Variants in XKR6 observed in about 807,000 individuals in gnomAD.
The protein encoded by XKR6 is XK related 6.
A neutral mutation model predicts 56.7 loss-of-function variants in XKR6; 22 were observed. The observed-to-expected ratio is 0.39, with a 90% CI of 0.28 to 0.55. The LOEUF is 0.55. Ranked by LOEUF, XKR6 falls within the 20% of genes least tolerant of loss-of-function variation. The pLI is 0.66. For synonymous variants in XKR6, 524 were observed against 387.8 expected, an observed-to-expected ratio of 1.35 and a Z score of -4.13; for missense variants, 852 against 889.0, an observed-to-expected ratio of 0.96 and a Z score of 0.53.
intron 1 of XKR6, among the ~76,000 whole-genome samples, chr8:11,069,354 C>T (rs1450942322): frequency 6.6e-6 from 1 of 152,158 alleles, no homozygotes; most frequent in Non-Finnish European, 1.5e-5. Flanking sequence ...CCATCCCCCA[C>T]CAGAGGATGC....
intron 1 of XKR6, among the ~76,000 whole-genome samples, chr8:11,120,409 C>T (rs1799391375): frequency 1.3e-5 from 2 of 152,080 alleles, no homozygotes; most frequent in Admixed American, 6.5e-5. Context: ...AACAGAGAGC[C>T]AAATCATGAG....
At chr8:11,168,668 A>G (rs1802206567) in intron 1 of XKR6, among the ~76,000 whole-genome samples, 1 of 152,216 alleles carries the variant, frequency 6.6e-6, no homozygotes, top group African/African-American at 2.4e-5. Flanking sequence ...ATGAATTTAA[A>G]AAGACTGAAG....
At chr8:10,915,097 C>T (rs773527544) in intron 2 of XKR6, among the ~76,000 whole-genome samples, 1 of 151,496 alleles carries the variant, frequency 6.6e-6, no homozygotes, top group Non-Finnish European at 1.5e-5. Context: ...CTTCTCTCTT[C>T]CCAGCTTTCT....
chr8:11,079,228 A>G (rs1800351665), intron 1 of XKR6, among the ~76,000 whole-genome samples: 1 of 152,248 alleles, frequency 6.6e-6, no homozygotes, highest in Non-Finnish European at 1.5e-5. Flanking sequence ...CTTGTCTGCA[A>G]TGGCAAGAGG....
intron 1 of XKR6, among the ~76,000 whole-genome samples, chr8:11,007,864 C>T (rs1341032592): frequency 3.3e-5 from 5 of 151,746 alleles, no homozygotes; most frequent in South Asian, 2.1e-4. Context: ...AGGTAAAATT[C>T]GGGAGTGCAC....
intron 1 of XKR6, among the ~76,000 whole-genome samples, chr8:10,965,074 G>T (rs1022017631): frequency 6.6e-6 from 1 of 152,228 alleles, no homozygotes; most frequent in African/African-American, 2.4e-5. Flanking sequence ...AAGCCTGCTT[G>T]TTGGGCTCTC....
At chr8:11,129,934 C>G (rs1800018557) in intron 1 of XKR6, among the ~76,000 whole-genome samples, 1 of 152,116 alleles carries the variant, frequency 6.6e-6, no homozygotes, top group Non-Finnish European at 1.5e-5. Flanking sequence ...AAAACGCTAT[C>G]TGAGGTACAA....
chr8:10,977,378 T>C (rs1802597729), intron 1 of XKR6, among the ~76,000 whole-genome samples: 1 of 151,876 alleles, frequency 6.6e-6, no homozygotes, highest in South Asian at 2.1e-4. Context: ...GAATGACAAA[T>C]TCCCTAACCC....
rs1314198033 is a variant in XKR6, at chr8:11,201,511, G to A, written c.-172C>T. ...GGCCAGGGAACCCCCTCCGCTTCCG[G>A]GTAGTTGGCGTCACTTCCGGGCGAG... On this transcript the variant is annotated 5_prime_UTR_variant, in exon 1 of 3. Transcript: ENST00000416569. 1 of 560,670 alleles carries A rather than the reference G, an allele frequency of 1.8e-6. No individual in the cohort carries two copies. Among genetic ancestry groups the A allele is most frequent in the African/African-American group, 2.0e-5 (1 of 49,564 alleles). The allele number at this position is 560,670 out of a possible 1,614,324, so 34.7% of individuals were successfully genotyped here.
chr8:10,896,522 A>C lies in XKR6; in HGVS notation c.*1430T>G, dbSNP rs1162557763. The C allele has an allele frequency of 1.3e-5, 2 of 151,710 alleles. No individual in the cohort carries two copies. Among genetic ancestry groups the C allele is most frequent in the Non-Finnish European group, 3.0e-5 (2 of 67,494 alleles). 9.4% of individuals were successfully genotyped at this position (151,710 alleles called of 1,614,324 possible). ...TCTCTGGCAAGACTTTGCAGCAGGG[A>C]CACACACATATATACGTGTGCTATG... On this transcript the variant is annotated 3_prime_UTR_variant, in exon 3 of 3. Transcript: ENST00000416569.
At chr8:11,086,269 A>G (rs1797887845) in intron 1 of XKR6, among the ~76,000 whole-genome samples, 1 of 152,144 alleles carries the variant, frequency 6.6e-6, no homozygotes, top group Non-Finnish European at 1.5e-5. Context: ...AAAGAAAATC[A>G]CATTACAGGC....
intron 1 of XKR6, among the ~76,000 whole-genome samples, chr8:11,134,869 T>C (rs760622103): frequency 9.9e-5 from 15 of 152,026 alleles, no homozygotes; most frequent in Non-Finnish European, 2.1e-4. Flanking sequence ...TACAACCACA[T>C]AAAATGCTAT....
At chr8:11,075,383 T>A (rs1031718822) in intron 1 of XKR6, among the ~76,000 whole-genome samples, 2 of 152,162 alleles carry the variant, frequency 1.3e-5, no homozygotes, top group Non-Finnish European at 2.9e-5. Flanking sequence ...GGGTTAGGGG[T>A]TGAGGAAACT....
At chr8:11,035,830 A>AT (rs1266017715) in intron 1 of XKR6, among the ~76,000 whole-genome samples, 1 of 150,082 alleles carries the variant, frequency 6.7e-6, no homozygotes, top group Non-Finnish European at 1.5e-5. Context: ...CACAGGTCTG[A>AT]TTTTTTTCCC....
intron 1 of XKR6, among the ~76,000 whole-genome samples, chr8:11,053,487 G>A (rs964756543): frequency 6.6e-6 from 1 of 152,194 alleles, no homozygotes; most frequent in Non-Finnish European, 1.5e-5. Flanking sequence ...GACAGAGGAG[G>A]TAATGAATGA....
chr8:11,169,541 C>T (rs532855171), intron 1 of XKR6, among the ~76,000 whole-genome samples: 1 of 152,110 alleles, frequency 6.6e-6, no homozygotes, highest in East Asian at 1.9e-4. Context: ...TACAGAAGGA[C>T]AAATATCATA....
chr8:11,197,921 A>G (rs1045748293), intron 1 of XKR6, among the ~76,000 whole-genome samples: 2 of 152,236 alleles, frequency 1.3e-5, no homozygotes, highest in Admixed American at 6.5e-5. Context: ...AAATGTAAAG[A>G]GACAAGTATT....
At chr8:10,968,875 G>A (rs1469907791) in intron 1 of XKR6, among the ~76,000 whole-genome samples, 1 of 152,248 alleles carries the variant, frequency 6.6e-6, no homozygotes, top group Non-Finnish European at 1.5e-5. Flanking sequence ...CTGAACAGCT[G>A]ACAGCCGCTC....
At chr8:10,999,225 A>G (rs1313775265) in intron 1 of XKR6, among the ~76,000 whole-genome samples, 2 of 152,258 alleles carry the variant, frequency 1.3e-5, no homozygotes, top group African/African-American at 4.8e-5. Flanking sequence ...CCATTGAGAA[A>G]GTGGCAACAA....
Sources: gnomAD v4.1 joint callset for allele counts (sites outside exome capture counted in the v4.1 genomes callset) on GRCh38, gnomAD v4.1.1 for gene constraint, MANE v1.5 for transcripts, NCBI Gene and HGNC (gene_info 2026-07-23, HGNC 2026-07-21) for gene names.